The following DCAF15 variants were observed in gnomAD, a reference collection of about 807,000 sequenced individuals.
DCAF15 encodes the protein DDB1 and CUL4 associated factor 15.
A neutral mutation model predicts 68.0 loss-of-function variants in DCAF15; 24 were observed. The ratio of observed to expected loss-of-function variants is 0.35; its 90% CI spans 0.26 to 0.50. The LOEUF (loss-of-function observed/expected upper bound fraction) is 0.50, where lower values mean the gene tolerates loss of function less well. Among genes scored for constraint, DCAF15 ranks in the 20% least tolerant of loss-of-function variants. DCAF15 has a pLI of 0.98. For missense variants in DCAF15, 627 were observed against 830.6 expected (o/e 0.75, Z 3.01); for synonymous variants, 376 against 341.6 (o/e 1.10, Z -1.11).
In DCAF15 at chr19:13,956,261, A is replaced by G; in HGVS notation, c.612A>G (p.Pro204=). Residue 204 remains proline (P), a splice_region_variant and synonymous_variant, in exon 5 of 13, where the codon CCA becomes CCG. Coordinates refer to ENST00000254337, the MANE Select transcript of DCAF15 (RefSeq NM_138353.4). ...GCCAGGATGCCAGCCGAGCCCACCC[A>G]GGTGAGGGGGCCGAGGGGGCGAGGG... is the stretch of plus-strand genomic sequence containing the variant. ...AACQDASRAH[P]GDPNAQCLRH... 6 of 1,611,950 alleles carry G rather than the reference A, an allele frequency of 3.7e-6. No homozygotes were observed. Among genetic ancestry groups the G allele is most frequent in the Non-Finnish European group, 5.1e-6 (6 of 1,179,554 alleles).
intron 3 of DCAF15, among the ~76,000 whole-genome samples, chr19:13,955,213 G>C (rs1973305253): frequency 6.6e-6 from 1 of 152,072 alleles, no homozygotes; most frequent in Non-Finnish European, 1.5e-5. Context: ...CTGAGGTCAG[G>C]AGTTCAAGAC....
chr19:13,956,440 C>G lies in DCAF15; in HGVS notation c.702C>G (p.Ala234=), dbSNP rs1436933661. Residue 234 remains alanine (A), a synonymous_variant, in exon 6 of 13, where the codon GCC becomes GCG. Coordinates refer to ENST00000254337, the MANE Select transcript of DCAF15 (RefSeq NM_138353.4). ...ACCCCTTCCCCACCTTCCAGCCCGC[C>G]TTCCAGCTCAAGAAGGACCAGGTGG... is the stretch of plus-strand genomic sequence containing the variant. ...VVYPFPTFQP[A]FQLKKDQVVL... is the part of the protein sequence containing the mutation. 2 of 1,613,912 alleles carry G rather than the reference C, an allele frequency of 1.2e-6. No homozygotes were observed. Among genetic ancestry groups the G allele is most frequent in the South Asian group, 2.2e-5 (2 of 91,088 alleles).
chr19:13,956,083 C>A (rs753501614), intron 4 of DCAF15, 40 bp from the exon 5 acceptor site: 1 of 1,610,390 alleles, frequency 6.2e-7, no homozygotes, highest in Admixed American at 1.7e-5. Flanking sequence ...GGGGGCCCCC[C>A]AGGCGCCGAC....
At chr19:13,953,053 T>A in intron 1 of DCAF15, 1 of 1,537,622 alleles carries the variant, frequency 6.5e-7, no homozygotes, top group Non-Finnish European at 8.8e-7. Context: ...GGCTTTGGGC[T>A]TCCTCCGCCT....
rs371026724 is a variant in DCAF15, at chr19:13,956,358, C to T, written c.620C>T (p.Pro207Leu). ...QDASRAHPGD[P>L]NAQCLRHGFM... ...GTGGCGTGTGTTGCTACAGGAGACC[C>T]GAATGCACAGTGCCTACGGCATGGC... The change falls in exon 6 of 13, where the codon CCG becomes CTG. Residue 207 changes from proline (P) to leucine (L), a missense_variant. Transcript: ENST00000254337. 343 of 1,613,598 alleles carry T rather than the reference C, an allele frequency of 2.1e-4. No individual in the cohort carries two copies. Among genetic ancestry groups the T allele is most frequent in the Non-Finnish European group, 2.7e-4 (323 of 1,180,004 alleles).
At position 13,960,338 on chromosome 19, in the gene DCAF15, G is replaced by T; in HGVS notation, c.1578G>T (p.Gly526=). The part of the protein sequence containing the change: ...SLKVAWDLNT[G]IFETVSVGDL... ...AGGTGGCATGGGACCTCAACACAGGGATCTTCGAGACAGTCAGTGTAGGCG... is the reference window on the plus strand; with the variant it reads ...AGGTGGCATGGGACCTCAACACAGGTATCTTCGAGACAGTCAGTGTAGGCG... Residue 526 remains glycine (G), a synonymous_variant, in exon 11 of 13, where the codon GGG becomes GGT. Coordinates refer to ENST00000254337, the MANE Select transcript of DCAF15 (RefSeq NM_138353.4). 2 of 1,614,102 alleles carry T rather than the reference G, an allele frequency of 1.2e-6. No individual in the cohort carries two copies. The highest frequency in any genetic ancestry group is 2.2e-5 in the South Asian group (2 of 91,086).
chr19:13,959,037 C>A lies in DCAF15; in HGVS notation c.785-8C>A, dbSNP rs1599462871. 6.3e-7 allele frequency: 1 copy of A among 1,589,408 alleles called. No homozygotes were observed. The highest frequency in any genetic ancestry group is 1.1e-5 in the South Asian group (1 of 87,904). ...GACTGACACTTCTCCACCCCCATCTCTTCTTAGGTGACAGGAGTTTCTGCC... is the reference window on the plus strand; with the variant it reads ...GACTGACACTTCTCCACCCCCATCTATTCTTAGGTGACAGGAGTTTCTGCC... On this transcript the variant is annotated splice_polypyrimidine_tract_variant and splice_region_variant and intron_variant, in intron 6 of 12. Coordinates refer to ENST00000254337, the MANE Select transcript of DCAF15 (RefSeq NM_138353.4).
At position 13,959,285 on chromosome 19, in the gene DCAF15, C is replaced by T; in HGVS notation, c.1025C>T (p.Ala342Val). Residue 342 changes from alanine (A) to valine (V), a missense_variant, in exon 7 of 13, where the codon GCC becomes GTC. By Grantham distance (64) the Ala-to-Val change is moderately conservative (BLOSUM62 0). Around this residue, in one of 3 missense-constraint regions of DCAF15, gnomAD observed 236 missense variants for 225.1 expected, o/e 1.05. Coordinates refer to ENST00000254337, the MANE Select transcript of DCAF15 (RefSeq NM_138353.4). ...GCCAAGGGCGGGGTCCCTGAGGAAGCCCGGCCTGCCCTGTGCCCAGGACCC... is the reference window on the plus strand; with the variant it reads ...GCCAAGGGCGGGGTCCCTGAGGAAGTCCGGCCTGCCCTGTGCCCAGGACCC... The part of the protein sequence containing the change: ...KEAKGGVPEE[A>V]RPALCPGPSG... 6.2e-7 allele frequency: 1 copy of T among 1,610,230 alleles called. No individual in the cohort carries two copies. Among genetic ancestry groups the T allele is most frequent in the Non-Finnish European group, 8.5e-7 (1 of 1,179,804 alleles).
chr19:13,961,409 GTTC>G lies in DCAF15; in HGVS notation c.*421_*423del, dbSNP rs964572674. 26 of 193,042 alleles carry G rather than the reference GTTC, an allele frequency of 1.3e-4. No individual in the cohort carries two copies. Among genetic ancestry groups the G allele is most frequent in the African/African-American group, 3.9e-4 (15 of 38,128 alleles). The allele number at this position is 193,042 out of a possible 1,614,324, so 12.0% of individuals were successfully genotyped here. ...CCGGCAACCTGGCCATCCCCATTCC[GTTC>G]TTCTTCATGTAATAAATGTTTTAAT... On this transcript the variant is annotated 3_prime_UTR_variant, in exon 13 of 13. Coordinates refer to ENST00000254337, the MANE Select transcript of DCAF15 (RefSeq NM_138353.4).
In DCAF15 at chr19:13,961,064, G is replaced by A; in HGVS notation, c.*69G>A. ...CTGGGACCGGCCCCCTTCCTGGGGT[G>A]GCCTCTTCCTGGCCGGCTGGCCCAC... On this transcript the variant is annotated 3_prime_UTR_variant, in exon 13 of 13. Coordinates refer to ENST00000254337, the MANE Select transcript of DCAF15 (RefSeq NM_138353.4). 2 of 1,595,146 alleles carry A rather than the reference G, an allele frequency of 1.3e-6. No individual in the cohort carries two copies. Among genetic ancestry groups the A allele is most frequent in the South Asian group, 1.1e-5 (1 of 90,522 alleles).
At position 13,959,909 on chromosome 19, in the gene DCAF15, G is replaced by GGGCAGGGTGGGCCCAGGGCT; in HGVS notation, c.1440+33_1440+34insTGGCAGGGTGGGCCCAGGGC. 7.5e-6 allele frequency: 12 copies of GGGCAGGGTGGGCCCAGGGCT among 1,610,526 alleles called. No homozygotes were observed. The highest frequency in any genetic ancestry group is 1.4e-5 in the African/African-American group (1 of 73,532). ...GTCATTCTGGAGGTGGGCCCAGGGC[G>GGGCAGGGTGGGCCCAGGGCT]GGCAGGGTGGGCCCAGGGCCTCCTG... On this transcript the variant is annotated intron_variant, in intron 9 of 12. Coordinates refer to ENST00000254337, the MANE Select transcript of DCAF15 (RefSeq NM_138353.4).
chr19:13,954,489 C>T, intron 2 of DCAF15, 37 bp from the exon 3 acceptor site: 1 of 1,614,004 alleles, frequency 6.2e-7, no homozygotes, highest in Non-Finnish European at 8.5e-7. Context: ...GGTGGGCTCG[C>T]CCTGACCTGG....
intron 6 of DCAF15, among the ~76,000 whole-genome samples, chr19:13,957,864 G>A (rs903641920): frequency 8.5e-5 from 13 of 152,056 alleles, no homozygotes; most frequent in Admixed American, 6.6e-4. Flanking sequence ...TCCAGCCTGG[G>A]AGACAGCAAG....
chr19:13,959,389 T>C lies in DCAF15; in HGVS notation c.1129T>C (p.Ser377Pro). 1 of 1,605,928 alleles carries C rather than the reference T, an allele frequency of 6.2e-7. No individual in the cohort carries two copies. ...GGCACCCCGGGACAGCCCCCCTGCCTCGGAGGCACCTGCCTCCGAGCCTGG... is the reference window on the plus strand; with the variant it reads ...GGCACCCCGGGACAGCCCCCCTGCCCCGGAGGCACCTGCCTCCGAGCCTGG... ...ETAPRDSPPA[S>P]EAPASEPGYV... The change falls in exon 7 of 13, where the codon TCG (serine) becomes CCG (proline). Residue 377 changes from serine to proline, a missense_variant. Ser to Pro is a moderately conservative substitution (Grantham distance 74). Around this residue, in one of 3 missense-constraint regions of DCAF15, gnomAD observed 236 missense variants for 225.1 expected, o/e 1.05. Transcript: ENST00000254337.
At chr19:13,957,646 G>A (rs1213119021) in intron 6 of DCAF15, among the ~76,000 whole-genome samples, 2 of 152,170 alleles carry the variant, frequency 1.3e-5, no homozygotes, top group Non-Finnish European at 2.9e-5. Context: ...AGTGGCTCAT[G>A]CCTGTAATCC....
intron 10 of DCAF15, 40 bp downstream of exon 10, chr19:13,960,109 G>A (rs866795736): frequency 1.2e-6 from 2 of 1,608,548 alleles, no homozygotes; most frequent in Admixed American, 1.7e-5. Flanking sequence ...CACTAGGGGG[G>A]CCACTGGCAG....
intron 1 of DCAF15, 52 bp downstream of exon 1, chr19:13,952,696 C>T: frequency 1.1e-6 from 1 of 946,346 alleles, no homozygotes; most frequent in Non-Finnish European, 1.3e-6. Context: ...GGAGTAGGGA[C>T]GAGGGAGGCG....
At position 13,961,173 on chromosome 19, in the gene DCAF15, TTATTTATGCC is replaced by T. The variant is rs1333091699; in HGVS notation, c.*185_*194del. On this transcript the variant is annotated 3_prime_UTR_variant, in exon 13 of 13. Coordinates refer to ENST00000254337, the MANE Select transcript of DCAF15 (RefSeq NM_138353.4). ...GTTGGCCTGAGGGTCTGGACGCTTT[TTATTTATGCC>T]TATTTAAGTTGGGAAGGGGCAGAGA... is the stretch of plus-strand genomic sequence containing the variant. 1 of 702,860 alleles carries T rather than the reference TTATTTATGCC, an allele frequency of 1.4e-6. No individual in the cohort carries two copies. Among genetic ancestry groups the T allele is most frequent in the Non-Finnish European group, 2.4e-6 (1 of 421,248 alleles). 43.5% of individuals were successfully genotyped at this position (702,860 alleles called of 1,614,324 possible).
In DCAF15 at chr19:13,959,106, C is replaced by T. The variant is rs760309714; in HGVS notation, c.846C>T (p.Ser282=). The stretch of plus-strand genomic sequence containing the variant: ...GCACCTGCCCCCTGGCGCCTGCCAG[C>T]CCCCCTGAGCCCCAGAGCCCAGAGC... ...DHSTCPLAPA[S]PPEPQSPELP... Residue 282 remains serine (S), a synonymous_variant, in exon 7 of 13, where the codon AGC becomes AGT. Transcript: ENST00000254337. 11 of 1,612,062 alleles carry T rather than the reference C, an allele frequency of 6.8e-6. No homozygotes were observed. Among genetic ancestry groups the T allele is most frequent in the South Asian group, 1.1e-5 (1 of 91,046 alleles).
Sources: allele counts gnomAD v4.1 joint callset (sites outside exome capture counted in the v4.1 genomes callset), GRCh38; gene constraint gnomAD v4.1.1; regional missense constraint gnomAD v4.1.1; transcripts MANE v1.5; gene names NCBI Gene and HGNC (gene_info 2026-07-23, HGNC 2026-07-21).